Variants in BDKRB2 observed in about 807,000 individuals in gnomAD.
BDKRB2 encodes B2 bradykinin receptor.
Under a neutral mutation model 4.0 loss-of-function variants are expected in BDKRB2, and 6 were observed. The observed-to-expected ratio is 1.49, with a 90% CI of 0.81 to 2.93. The LOEUF (loss-of-function observed/expected upper bound fraction) is 2.93, where lower values mean the gene tolerates loss of function less well. Ranked by LOEUF, BDKRB2 falls within the 30% of genes most tolerant of loss-of-function variation. BDKRB2 has a pLI of 0.00. For missense variants in BDKRB2, 478 were observed against 520.1 expected (o/e 0.92, Z 0.79); for synonymous variants, 225 against 215.3 (o/e 1.05, Z -0.40).
At chr14:96,224,403 T>G (rs1890648976) in intron 1 of BDKRB2, among the ~76,000 whole-genome samples, 1 of 152,222 alleles carries the variant, frequency 6.6e-6, no homozygotes, top group South Asian at 2.1e-4. Context: ...AAAATGGGGA[T>G]GATAATATTA....
intron 2 of BDKRB2, chr14:96,238,012 G>A: frequency 6.0e-6 from 7 of 1,173,828 alleles, no homozygotes; most frequent in Non-Finnish European, 7.5e-6. Flanking sequence ...GGGGTTGAGG[G>A]TTGGACCAAG....
At chr14:96,237,845 TG>T in intron 2 of BDKRB2, 6 of 1,289,622 alleles carry the variant, frequency 4.7e-6, no homozygotes, top group Non-Finnish European at 6.1e-6. Context: ...GAGCCAGGGA[TG>T]GGCCAGGATC....
chr14:96,239,187 C>T, intron 2 of BDKRB2: 1 of 985,364 alleles, frequency 1.0e-6, no homozygotes, highest in Non-Finnish European at 1.2e-6. Context: ...GGAAAATGCC[C>T]AATGAGTCCT....
intron 1 of BDKRB2, chr14:96,223,061 C>T: frequency 1.2e-6 from 1 of 808,908 alleles, no homozygotes; most frequent in Non-Finnish European, 2.1e-6. Context: ...TTGGGAGTTG[C>T]TTGGAGGTTG....
chr14:96,239,745 C>T (rs1885222222), intron 2 of BDKRB2: 6 of 968,832 alleles, frequency 6.2e-6, no homozygotes, highest in African/African-American at 1.8e-5. Context: ...CAGCGTCACA[C>T]GGCTTATAAG....
rs1885378978 is a variant in BDKRB2, at chr14:96,244,157, T to C, written c.*2653T>C. The C allele has an allele frequency of 5.0e-6, 2 of 398,470 alleles. No homozygotes were observed. Among genetic ancestry groups the C allele is most frequent in the Non-Finnish European group, 8.8e-6 (2 of 226,040 alleles). The allele number at this position is 398,470 out of a possible 1,614,324, so 24.7% of individuals were successfully genotyped here. ...TGTAGAGCATAATAAATGGATGAGG[T>C]TTTTGCATAGCTCTAGCATTTGTTA... On this transcript the variant is annotated 3_prime_UTR_variant, in exon 3 of 3. Coordinates refer to ENST00000554311, the MANE Select transcript of BDKRB2 (RefSeq NM_001379692.1).
intron 1 of BDKRB2, among the ~76,000 whole-genome samples, chr14:96,215,761 A>G (rs1890402695): frequency 6.6e-6 from 1 of 152,234 alleles, no homozygotes; most frequent in Non-Finnish European, 1.5e-5. Context: ...CTGGCATCTC[A>G]TCAGATGCAA....
At chr14:96,237,520 C>G (rs1890964409) in intron 2 of BDKRB2, among the ~76,000 whole-genome samples, 1 of 152,166 alleles carries the variant, frequency 6.6e-6, no homozygotes, top group Non-Finnish European at 1.5e-5. Context: ...GCCAGATTGC[C>G]TTGGAGACAA....
At chr14:96,208,709 C>A (rs1350548907) in intron 1 of BDKRB2, among the ~76,000 whole-genome samples, 3 of 152,202 alleles carry the variant, frequency 2.0e-5, no homozygotes, top group Admixed American at 1.3e-4. Flanking sequence ...GTCCGACATG[C>A]ACACACTCCT....
intron 2 of BDKRB2, chr14:96,239,945 A>C: frequency 1.0e-6 from 1 of 986,374 alleles, no homozygotes; most frequent in Non-Finnish European, 1.2e-6. Flanking sequence ...CCAGACTGGA[A>C]TCTCCAGGTC....
At chr14:96,234,512 G>A (rs1890888809) in intron 1 of BDKRB2, among the ~76,000 whole-genome samples, 1 of 152,156 alleles carries the variant, frequency 6.6e-6, no homozygotes, top group African/African-American at 2.4e-5. Flanking sequence ...GGCCACAGAG[G>A]AGAAGCCAGG....
At position 96,237,132 on chromosome 14, in the gene BDKRB2, A is replaced by C; in HGVS notation, c.25A>C (p.Met9Leu). 1.2e-6 allele frequency: 2 copies of C among 1,614,044 alleles called. No homozygotes were observed. The highest frequency in any genetic ancestry group is 2.2e-5 in the East Asian group (1 of 44,874). Residue 9 changes from methionine to leucine, a missense_variant, in exon 2 of 3, where the codon ATG becomes CTG. Physicochemically the swap from Met to Leu is conservative, Grantham distance 15. Transcript: ENST00000554311. MFSPWKIS[M>L]FLSVREDSVP... ...AATGTTCTCTCCCTGGAAGATATCA[A>C]TGTTTCTGTCTGTTCGTGAGGACTC...
chr14:96,211,543 T>C (rs975875063), intron 1 of BDKRB2, among the ~76,000 whole-genome samples: 8 of 152,242 alleles, frequency 5.3e-5, no homozygotes, highest in African/African-American at 1.9e-4. Flanking sequence ...ATGAGGGATC[T>C]GTGCTGATCA....
Position 96,230,929 on chromosome 14 carries a change from A to AT in BDKRB2, c.-39-6137dup, listed in dbSNP as rs199930197. Among the ~76,000 whole-genome samples the AT allele has an allele frequency of 3.4e-3, 510 of 150,556 alleles. 15 individuals carry two copies. In the South Asian group the frequency reaches 0.042, roughly 13 times the overall value. ...CAGCACCCAGCCTAGTTATTTATTT[A>AT]TTTATTTTTTTTTTAAAGAGAGAGA... On this transcript the variant is annotated intron_variant, in intron 1 of 2. Transcript: ENST00000554311.
At position 96,241,277 on chromosome 14, in the gene BDKRB2, G is replaced by C. The variant is rs146650268; in HGVS notation, c.949G>C (p.Ala317Pro). 6.2e-7 allele frequency: 1 copy of C among 1,613,824 alleles called. No individual in the cohort carries two copies. The highest frequency in any genetic ancestry group is 1.7e-5 in the Admixed American group (1 of 59,988). ...CATCATCGATGTAATCACACAGATCGCCTCCTTCATGGCCTACAGCAACAG... is the reference window on the plus strand; with the variant it reads ...CATCATCGATGTAATCACACAGATCCCCTCCTTCATGGCCTACAGCAACAG... ...ERIIDVITQI[A>P]SFMAYSNSCL... Residue 317 changes from alanine (A) to proline (P), a missense_variant, in exon 3 of 3, where the codon GCC (alanine) becomes CCC (proline). By Grantham distance (27) the Ala-to-Pro change is conservative. Transcript: ENST00000554311.
rs573491420 is a variant in BDKRB2, at chr14:96,235,643, T to C, written c.-39-1426T>C. ...TTACCAACTCAGCTTTTTGTTTTAG[T>C]GTGTTTGAATTCCCTGAACTGACCG... On this transcript the variant is annotated intron_variant, in intron 1 of 2. Transcript: ENST00000554311. Among the ~76,000 whole-genome samples, 17 of 152,322 alleles carry C rather than the reference T, an allele frequency of 1.1e-4. No homozygotes were observed. In the East Asian group the frequency reaches 3.3e-3, roughly 29 times the overall value.
At chr14:96,233,690 A>G (rs1405967040) in intron 1 of BDKRB2, 1 of 152,176 alleles carries the variant, frequency 6.6e-6, no homozygotes, top group East Asian at 1.9e-4. Context: ...GACACTATGT[A>G]TTTCGTGGAG....
intron 1 of BDKRB2, among the ~76,000 whole-genome samples, chr14:96,216,666 A>G (rs920252734): frequency 7.0e-6 from 1 of 143,540 alleles, no homozygotes; most frequent in Non-Finnish European, 1.5e-5. Context: ...GAAGGAGGAG[A>G]AGAGGAAGAA....
At chr14:96,239,438 C>T (rs1035466412) in intron 2 of BDKRB2, 2 of 985,284 alleles carry the variant, frequency 2.0e-6, no homozygotes, top group Non-Finnish European at 2.4e-6. Flanking sequence ...AGATGAATTA[C>T]AGCAACAAGT....
Sources: allele counts gnomAD v4.1 joint callset (sites outside exome capture counted in the v4.1 genomes callset), GRCh38; gene constraint gnomAD v4.1.1; transcripts MANE v1.5; gene names NCBI Gene and HGNC (gene_info 2026-07-23, HGNC 2026-07-21).